FGF12: variants seen among roughly 807,000 people sequenced by gnomAD.
FGF12 encodes the protein fibroblast growth factor 12B.
FGF12 carries 14 observed loss-of-function variants against 23.6 expected under a neutral mutation model. The ratio of observed to expected loss-of-function variants is 0.59; its 90% CI spans 0.39 to 0.93. The LOEUF (loss-of-function observed/expected upper bound fraction) is 0.93. Among genes scored for constraint, FGF12 ranks in the 40% least tolerant of loss-of-function variants. FGF12 has a pLI of 0.00. For synonymous variants in FGF12, 62 were observed against 77.3 expected, an observed-to-expected ratio of 0.80 and a Z score of 1.04; for missense variants, 175 against 217.8, an observed-to-expected ratio of 0.80 and a Z score of 1.24.
At chr3:192,353,469 A>G (rs181836694) in intron 3 of FGF12, among the ~76,000 whole-genome samples, 220 of 147,704 alleles carry the variant, frequency 1.5e-3, no homozygotes, top group Admixed American at 3.1e-3. Context: ...TCCTGGATTC[A>G]AGCCATTCTC....
intron 4 of FGF12, among the ~76,000 whole-genome samples, chr3:192,292,098 C>A (rs1714787318): frequency 6.6e-6 from 1 of 152,148 alleles, no homozygotes; most frequent in Non-Finnish European, 1.5e-5. Context: ...ATTTTGATTA[C>A]ACTCATAGTA....
intron 4 of FGF12, among the ~76,000 whole-genome samples, chr3:192,252,644 GC>G (rs1488599828): frequency 6.6e-6 from 1 of 151,774 alleles, no homozygotes; most frequent in Non-Finnish European, 1.5e-5. Context: ...ACTTTCTGCC[GC>G]CAACTCTTTG....
intron 2 of FGF12, among the ~76,000 whole-genome samples, chr3:192,515,690 C>A (rs964005856): frequency 2.0e-5 from 3 of 152,090 alleles, no homozygotes; most frequent in Non-Finnish European, 4.4e-5. Context: ...GCAGGTGAGG[C>A]GAGAAATCTG....
chr3:192,638,206 G>A (rs1715655209), intron 2 of FGF12, among the ~76,000 whole-genome samples: 1 of 152,072 alleles, frequency 6.6e-6, no homozygotes, highest in South Asian at 2.1e-4. Context: ...CTATAATGCT[G>A]ACCAACATAA....
chr3:192,545,340 C>T (rs1417030002), intron 2 of FGF12, among the ~76,000 whole-genome samples: 1 of 152,182 alleles, frequency 6.6e-6, no homozygotes, highest in Non-Finnish European at 1.5e-5. Context: ...CCATGTGCAT[C>T]CACATGATAA....
chr3:192,609,511 TG>T (rs1560168293), intron 2 of FGF12, among the ~76,000 whole-genome samples: 1 of 152,084 alleles, frequency 6.6e-6, no homozygotes, highest in African/African-American at 2.4e-5. Flanking sequence ...AGACATTGCA[TG>T]TCTGTTCTTA....
intron 2 of FGF12, among the ~76,000 whole-genome samples, chr3:192,667,686 GGGGCA>G (rs935846157): frequency 3.3e-5 from 5 of 151,814 alleles, no homozygotes; most frequent in African/African-American, 1.2e-4. Context: ...CCCTGATAGA[GGGGCA>G]GGCACAGTGA....
chr3:192,361,766 T>C (rs1718738655), intron 2 of FGF12, among the ~76,000 whole-genome samples: 1 of 152,186 alleles, frequency 6.6e-6, no homozygotes, highest in African/African-American at 2.4e-5. Context: ...AACAAGTGTC[T>C]GCAGTTGGGA....
At chr3:192,427,385 A>G (rs75584865) in intron 2 of FGF12, among the ~76,000 whole-genome samples, 2 of 139,372 alleles carry the variant, frequency 1.4e-5, no homozygotes, top group Admixed American at 7.0e-5. Context: ...TCTCTGAAAA[A>G]AAAAAAAAAA....
At chr3:192,410,207 T>C (rs1721153107) in intron 2 of FGF12, among the ~76,000 whole-genome samples, 1 of 152,166 alleles carries the variant, frequency 6.6e-6, no homozygotes, top group Non-Finnish European at 1.5e-5. Context: ...CACAGCGCGC[T>C]CTAGTCAGGT....
intron 2 of FGF12, among the ~76,000 whole-genome samples, chr3:192,557,532 T>C (rs1034157500): frequency 1.3e-4 from 20 of 151,760 alleles, no homozygotes; most frequent in African/African-American, 4.6e-4. Context: ...TTGTAGAAAA[T>C]TGAAGAGAGG....
At chr3:192,146,273 T>TATATA (rs72092968) in intron 5 of FGF12, among the ~76,000 whole-genome samples, 105 of 18,014 alleles carry the variant, frequency 5.8e-3, no homozygotes, top group African/African-American at 0.014. Context: ...AAAGTGTATA[T>TATATA]TTTTTTTTTT....
chr3:192,461,905 G>A (rs143202547), intron 2 of FGF12, among the ~76,000 whole-genome samples: 3,697 of 151,846 alleles, frequency 0.024, 176 homozygotes, highest in African/African-American at 0.084. Context: ...CAGGAGAATC[G>A]CTTGAACCCG....
intron 2 of FGF12, among the ~76,000 whole-genome samples, chr3:192,554,633 C>T (rs566599861): frequency 6.6e-5 from 10 of 151,944 alleles, no homozygotes; most frequent in African/African-American, 2.4e-4. Context: ...ATGAAGAGAT[C>T]CCAACACAAA....
intron 2 of FGF12, among the ~76,000 whole-genome samples, chr3:192,595,262 C>A (rs561838750): frequency 2.0e-5 from 3 of 152,194 alleles, no homozygotes; most frequent in Non-Finnish European, 2.9e-5. Context: ...GTCATGCTTT[C>A]TTTCAGCTTT....
In FGF12 at chr3:192,419,431, T is replaced by C. The variant is rs184040706; in HGVS notation, c.14-58893A>G. ...CAAGAGATTCACACTAAGAACAAGA[T>C]ATCCTGTGTGTGTAGAGGCAAACTT... On this transcript the variant is annotated intron_variant, in intron 2 of 5. Transcript: ENST00000445105. Among the ~76,000 whole-genome samples the C allele has an allele frequency of 4.6e-3, 693 of 152,260 alleles. 5 individuals are homozygous for C. The highest frequency in any genetic ancestry group is 6.9e-3 in the Non-Finnish European group (470 of 67,998).
chr3:192,538,233 C>A (rs775940010), intron 2 of FGF12, among the ~76,000 whole-genome samples: 1 of 151,734 alleles, frequency 6.6e-6, no homozygotes, highest in Non-Finnish European at 1.5e-5. Flanking sequence ...CAGGCATGAG[C>A]CACCGCACCA....
chr3:192,459,962 T>C (rs1039605371), intron 2 of FGF12, among the ~76,000 whole-genome samples: 1 of 152,126 alleles, frequency 6.6e-6, no homozygotes, highest in African/African-American at 2.4e-5. Flanking sequence ...CTGAGAGACA[T>C]GTTAGACTTT....
At chr3:192,299,791 C>T (rs73066529) in intron 4 of FGF12, among the ~76,000 whole-genome samples, 2,159 of 152,222 alleles carry the variant, frequency 0.014, 46 homozygotes, top group African/African-American at 0.04. Flanking sequence ...CACATGAAGT[C>T]GTAGACAGTG....
Sources: allele counts gnomAD v4.1 joint callset (sites outside exome capture counted in the v4.1 genomes callset), GRCh38; gene constraint gnomAD v4.1.1; transcripts MANE v1.5; gene names NCBI Gene and HGNC (gene_info 2026-07-23, HGNC 2026-07-21).